The following SLC22A4 variants were observed in gnomAD, a reference collection of about 807,000 sequenced individuals.
SLC22A4 encodes ET transporter.
SLC22A4 carries 39 observed loss-of-function variants against 56.6 expected under a neutral mutation model. That is an observed-to-expected ratio of 0.69 (90% CI 0.53 to 0.90). The LOEUF is 0.90. Ranked by LOEUF, SLC22A4 falls within the 40% of genes least tolerant of loss-of-function variation. The pLI is 0.00. For missense variants in SLC22A4, 594 were observed against 696.5 expected (o/e 0.85, Z 1.66); for synonymous variants, 241 against 281.4 (o/e 0.86, Z 1.44).
intron 1 of SLC22A4, among the ~76,000 whole-genome samples, chr5:132,303,941 T>C (rs943600248): frequency 1.3e-5 from 2 of 152,188 alleles, no homozygotes; most frequent in Admixed American, 6.5e-5. Flanking sequence ...GAACGAACTT[T>C]ATTTGAAATA....
At chr5:132,342,423 T>C (rs1751247076) in intron 9 of SLC22A4, among the ~76,000 whole-genome samples, 1 of 152,242 alleles carries the variant, frequency 6.6e-6, no homozygotes, top group Admixed American at 6.5e-5. Flanking sequence ...TTTTTTGGCT[T>C]ATGAGATTGC....
intron 3 of SLC22A4, among the ~76,000 whole-genome samples, chr5:132,316,148 C>T (rs1436999920): frequency 6.6e-6 from 1 of 152,202 alleles, no homozygotes; most frequent in Non-Finnish European, 1.5e-5. Context: ...GTTGGCAAAG[C>T]TCTGCATGAT....
At chr5:132,308,866 C>G (rs889561961) in intron 1 of SLC22A4, among the ~76,000 whole-genome samples, 1 of 152,170 alleles carries the variant, frequency 6.6e-6, no homozygotes, top group Admixed American at 6.5e-5. Flanking sequence ...AAGCACACCC[C>G]CAAAGCAATG....
rs545500558 is a variant in SLC22A4 at position 132,294,688 on chromosome 5, G to A, written c.72G>A (p.Leu24=). The A allele has an allele frequency of 6.2e-7, 1 of 1,614,170 alleles. No individual in the cohort carries two copies. The highest frequency in any genetic ancestry group is 1.1e-5 in the South Asian group (1 of 91,084). The change falls in exon 1 of 10, where the codon CTG becomes CTA. Residue 24 remains leucine, a synonymous_variant. Coordinates refer to ENST00000200652, the MANE Select transcript of SLC22A4 (RefSeq NM_003059.3). The surrounding 1 kb of genome is among the most constrained non-coding windows in gnomAD (Gnocchi z 5.6). ...CCTTCCAGCGCCTCATCTTCTTCCT[G>A]CTCAGCGCCAGCATCATCCCCAATG... The part of the protein sequence containing the change: ...WGPFQRLIFF[L]LSASIIPNGF...
intron 6 of SLC22A4, among the ~76,000 whole-genome samples, chr5:132,332,516 T>TC (rs1750892595): frequency 6.6e-6 from 1 of 152,078 alleles, no homozygotes; most frequent in Non-Finnish European, 1.5e-5. Context: ...AGCTCCTGCT[T>TC]CCTGAAGCTG....
intron 5 of SLC22A4, among the ~76,000 whole-genome samples, chr5:132,328,912 TATATATATATATATATATAC>T (rs1371540530): frequency 1.1e-4 from 8 of 70,936 alleles, no homozygotes; most frequent in African/African-American, 6.4e-4. Context: ...TGTATATATA[TATATATATATATATATATAC>T]ACACACACAC....
intron 3 of SLC22A4, among the ~76,000 whole-genome samples, chr5:132,317,048 C>T (rs1384605835): frequency 2.0e-5 from 3 of 152,116 alleles, no homozygotes; most frequent in Non-Finnish European, 2.9e-5. Flanking sequence ...CTTTCCTCTG[C>T]GCAAGTGCTC....
intron 5 of SLC22A4, among the ~76,000 whole-genome samples, 175 bp from the exon 6 acceptor site, chr5:132,331,581 G>C (rs1250295590): frequency 1.3e-5 from 2 of 152,224 alleles, no homozygotes; most frequent in Non-Finnish European, 2.9e-5. Flanking sequence ...ACATTTTAAA[G>C]TGTCAGAGTA....
At chr5:132,307,560 C>T (rs1207408215) in intron 1 of SLC22A4, among the ~76,000 whole-genome samples, 1 of 152,192 alleles carries the variant, frequency 6.6e-6, no homozygotes, top group East Asian at 1.9e-4. Context: ...AAATAAAATG[C>T]TCTACTAGTA....
intron 3 of SLC22A4, among the ~76,000 whole-genome samples, chr5:132,318,940 T>C (rs1427290958): frequency 6.6e-6 from 1 of 152,154 alleles, no homozygotes; most frequent in African/African-American, 2.4e-5. Flanking sequence ...GGAAAGCTCA[T>C]GGCAGCTGCA....
chr5:132,341,804 C>T (rs1247267274), intron 9 of SLC22A4, among the ~76,000 whole-genome samples: 2 of 151,578 alleles, frequency 1.3e-5, no homozygotes, highest in East Asian at 3.9e-4. Flanking sequence ...AAAAATTAGC[C>T]AGGCATGGTG....
chr5:132,299,282 G>A (rs1749849394), intron 1 of SLC22A4, among the ~76,000 whole-genome samples: 1 of 152,220 alleles, frequency 6.6e-6, no homozygotes, highest in African/African-American at 2.4e-5. Context: ...GTTTGCGTGA[G>A]TGCATTCGTC....
intron 8 of SLC22A4, among the ~76,000 whole-genome samples, chr5:132,340,059 A>C (rs919673412): frequency 1.6e-5 from 2 of 125,638 alleles, no homozygotes; most frequent in Non-Finnish European, 3.2e-5. Context: ...CATAATACTT[A>C]GTTGTTTTTT....
chr5:132,298,804 C>G (rs1442027367), intron 1 of SLC22A4, among the ~76,000 whole-genome samples: 3 of 152,230 alleles, frequency 2.0e-5, no homozygotes, highest in Non-Finnish European at 4.4e-5. Flanking sequence ...AGAAGCTCAG[C>G]ACCTTCTTTG....
intron 5 of SLC22A4, among the ~76,000 whole-genome samples, chr5:132,329,948 G>T (rs1285639364): frequency 6.6e-6 from 1 of 152,168 alleles, no homozygotes; most frequent in Non-Finnish European, 1.5e-5. Context: ...GGGCCCCGTG[G>T]AACCACCAAG....
intron 2 of SLC22A4, 89 bp from the exon 3 acceptor site, chr5:132,313,525 C>CT: frequency 1.6e-6 from 2 of 1,224,812 alleles, no homozygotes; most frequent in East Asian, 2.3e-5. Flanking sequence ...TGAAAAAACA[C>CT]TAAGTCTGCA....
At chr5:132,299,876 A>T (rs1465662808) in intron 1 of SLC22A4, among the ~76,000 whole-genome samples, 1 of 152,258 alleles carries the variant, frequency 6.6e-6, no homozygotes, top group East Asian at 1.9e-4. Context: ...AATACGCGTT[A>T]TGCATTTATC....
At chr5:132,308,199 C>T (rs1418257891) in intron 1 of SLC22A4, among the ~76,000 whole-genome samples, 2 of 151,958 alleles carry the variant, frequency 1.3e-5, no homozygotes, top group Non-Finnish European at 1.5e-5. Flanking sequence ...CAGAACAGCG[C>T]CCACCCCACC....
intron 1 of SLC22A4, among the ~76,000 whole-genome samples, chr5:132,303,619 C>T (rs758860000): frequency 7.9e-5 from 12 of 152,068 alleles, no homozygotes; most frequent in Admixed American, 2.0e-4. Flanking sequence ...GTAAAATCCT[C>T]GTGAGTGCAA....
Sources: gnomAD v4.1 joint callset for allele counts (sites outside exome capture counted in the v4.1 genomes callset) on GRCh38, gnomAD v4.1.1 for gene constraint, Gnocchi (gnomAD v3.1) non-coding constraint, MANE v1.5 for transcripts, NCBI Gene and HGNC (gene_info 2026-07-23, HGNC 2026-07-21) for gene names.